GTF3C5: variants seen among roughly 807,000 people sequenced by gnomAD.
GTF3C5 encodes the protein general transcription factor 3C polypeptide 5.
GTF3C5 carries 47 observed loss-of-function variants against 61.0 expected under a neutral mutation model. That is an observed-to-expected ratio of 0.77 (90% CI 0.61 to 0.98). GTF3C5 has a LOEUF of 0.98. GTF3C5 is among the 50% of genes least tolerant of loss of function. The pLI is 0.00. For missense variants in GTF3C5, 659 were observed against 703.3 expected, an observed-to-expected ratio of 0.94 and a Z score of 0.71; for synonymous variants, 295 against 275.4, an observed-to-expected ratio of 1.07 and a Z score of -0.71.
Position 133,057,836 on chromosome 9 carries a change from G to A in GTF3C5, c.1416G>A (p.Lys472=), listed in dbSNP as rs1446351244. 6.2e-7 allele frequency: 1 copy of A among 1,611,562 alleles called. No individual in the cohort carries two copies. The highest frequency in any genetic ancestry group is 1.3e-5 in the African/African-American group (1 of 74,914). The change falls in exon 11 of 11, where the codon AAG becomes AAA. Residue 472 remains lysine (K), a synonymous_variant. Coordinates refer to ENST00000372097, the MANE Select transcript of GTF3C5 (RefSeq NM_012087.4). ...KRPALFSSSA[K]ADGGKEQLTY... ...CAGCTCTCTTTTCCAGCTCAGCCAAGGCTGATGGCGGAAAAGAGCAGCTGA... is the reference window on the plus strand; with the variant it reads ...CAGCTCTCTTTTCCAGCTCAGCCAAAGCTGATGGCGGAAAAGAGCAGCTGA...
In GTF3C5 at chr9:133,058,022, G is replaced by A. The variant is rs1308844521; in HGVS notation, c.*42G>A. The A allele has an allele frequency of 2.5e-6, 4 of 1,609,944 alleles. No individual in the cohort carries two copies. Among genetic ancestry groups the A allele is most frequent in the African/African-American group, 1.3e-5 (1 of 74,634 alleles). On this transcript the variant is annotated 3_prime_UTR_variant, in exon 11 of 11. Coordinates refer to ENST00000372097, the MANE Select transcript of GTF3C5 (RefSeq NM_012087.4). ...GCCTCCCTGACCCGGCCAGACTGGTGTCTGGCCTAATGAGGGAGCCGGGGC... is the reference window on the plus strand; with the variant it reads ...GCCTCCCTGACCCGGCCAGACTGGTATCTGGCCTAATGAGGGAGCCGGGGC...
intron 3 of GTF3C5, among the ~76,000 whole-genome samples, chr9:133,049,821 A>G (rs977861473): frequency 5.3e-5 from 8 of 152,296 alleles, no homozygotes; most frequent in African/African-American, 1.9e-4. Flanking sequence ...ACAGCAAAAT[A>G]AGGCGCAGCG....
chr9:133,035,256 G>A (rs1008069998), intron 1 of GTF3C5, among the ~76,000 whole-genome samples: 5 of 152,124 alleles, frequency 3.3e-5, no homozygotes, highest in Non-Finnish European at 7.3e-5. Context: ...CCTCCAGTGC[G>A]TAAGGTGATC....
chr9:133,040,730 C>G (rs1487429141), intron 1 of GTF3C5, among the ~76,000 whole-genome samples: 1 of 151,954 alleles, frequency 6.6e-6, no homozygotes, highest in Non-Finnish European at 1.5e-5. Flanking sequence ...GTAGGTAACC[C>G]TAGACAAGCC....
chr9:133,056,323 T>C (rs1448658590), intron 9 of GTF3C5, among the ~76,000 whole-genome samples: 2 of 152,204 alleles, frequency 1.3e-5, no homozygotes, highest in Non-Finnish European at 2.9e-5. Flanking sequence ...CTTACTGTTA[T>C]GTCCTTGCTC....
intron 3 of GTF3C5, among the ~76,000 whole-genome samples, chr9:133,046,364 C>T (rs1266377003): frequency 6.6e-6 from 1 of 152,100 alleles, no homozygotes. Flanking sequence ...GAAAAAAGAG[C>T]GGACTCTGTG....
At chr9:133,047,524 C>CT (rs544180537) in intron 3 of GTF3C5, among the ~76,000 whole-genome samples, 4,705 of 144,164 alleles carry the variant, frequency 0.033, 213 homozygotes, top group African/African-American at 0.1. Flanking sequence ...ATGATCCTTC[C>CT]TTTTTTTTTT....
At chr9:133,056,729 C>T in intron 9 of GTF3C5, 37 bp from the exon 10 acceptor site, 1 of 1,554,526 alleles carries the variant, frequency 6.4e-7, no homozygotes, top group South Asian at 1.2e-5. Flanking sequence ...GAGACCCGCC[C>T]TGGGACTTTA....
chr9:133,054,469 C>T lies in GTF3C5; in HGVS notation c.1050C>T (p.Pro350=). Residue 350 remains proline (P), a synonymous_variant, in exon 7 of 11, where the codon CCC becomes CCT. Coordinates refer to ENST00000372097, the MANE Select transcript of GTF3C5 (RefSeq NM_012087.4). ...GCAGCACCTACAACTACAGCCTCCC[C>T]ATCACCGTCAAGAAGACATGTAAGC... ...AKRSTYNYSL[P]ITVKKTSSQL... is the part of the protein sequence containing the mutation. 6.2e-7 allele frequency: 1 copy of T among 1,614,156 alleles called. No individual in the cohort carries two copies. Among genetic ancestry groups the T allele is most frequent in the Non-Finnish European group, 8.5e-7 (1 of 1,179,990 alleles).
intron 3 of GTF3C5, among the ~76,000 whole-genome samples, chr9:133,045,513 A>G (rs1436551834): frequency 6.6e-6 from 1 of 152,232 alleles, no homozygotes; most frequent in African/African-American, 2.4e-5. Flanking sequence ...GGTCTCTGTC[A>G]TAGCCCCGGT....
chr9:133,049,750 C>A (rs1323266289), intron 3 of GTF3C5, among the ~76,000 whole-genome samples: 1 of 152,176 alleles, frequency 6.6e-6, no homozygotes, highest in Non-Finnish European at 1.5e-5. Context: ...TCTAGAATCT[C>A]TGCTTTGTAT....
rs200854543 is a variant in GTF3C5, at chr9:133,054,375, C to G, written c.989-33C>G. ...TGTTGTGTGCCGACGGGCCCTGTGC[C>G]CGCCCACCTGACTTGCCCGCCCTCG... On this transcript the variant is annotated intron_variant, in intron 6 of 10. Coordinates refer to ENST00000372097, the MANE Select transcript of GTF3C5 (RefSeq NM_012087.4). The G allele has an allele frequency of 1.5e-3, 2,437 of 1,588,508 alleles. 27 individuals are homozygous for G. In the South Asian group the frequency reaches 0.017, roughly 11 times the overall value.
At chr9:133,033,822 A>G (rs1448996215) in intron 1 of GTF3C5, among the ~76,000 whole-genome samples, 1 of 152,144 alleles carries the variant, frequency 6.6e-6, no homozygotes. Context: ...TTTGCATCTC[A>G]GTACCCTGTT....
Position 133,053,811 on chromosome 9 carries a change from C to A in GTF3C5, c.874-17C>A. 6.4e-7 allele frequency: 1 copy of A among 1,551,816 alleles called. No individual in the cohort carries two copies. Among genetic ancestry groups the A allele is most frequent in the Non-Finnish European group, 8.9e-7 (1 of 1,128,400 alleles). On this transcript the variant is annotated splice_polypyrimidine_tract_variant and intron_variant, in intron 5 of 10. Coordinates refer to ENST00000372097, the MANE Select transcript of GTF3C5 (RefSeq NM_012087.4). Reference sequence around the variant, plus strand: ...GCCTTCACCTCACCTCACATTTTCCCCACTTTTCTGTCCCAGATAACAGGC... The same window carrying A: ...GCCTTCACCTCACCTCACATTTTCCACACTTTTCTGTCCCAGATAACAGGC...
intron 8 of GTF3C5, 64 bp from the exon 9 acceptor site, chr9:133,055,948 T>A: frequency 3.1e-6 from 5 of 1,607,910 alleles, no homozygotes; most frequent in Non-Finnish European, 4.2e-6. Context: ...ACATGGAGTC[T>A]GCAACACTGG....
chr9:133,042,445 A>G (rs1175613612), intron 2 of GTF3C5, 139 bp downstream of exon 2: 4 of 641,044 alleles, frequency 6.2e-6, no homozygotes, highest in Non-Finnish European at 1.1e-5. Context: ...AGCAGGGCAC[A>G]GGCCCCATCC....
chr9:133,033,878 A>G (rs1849795514), intron 1 of GTF3C5, among the ~76,000 whole-genome samples: 1 of 152,184 alleles, frequency 6.6e-6, no homozygotes, highest in Admixed American at 6.5e-5. Context: ...TACAGCTGCT[A>G]CTTTGGCTGG....
At chr9:133,041,470 T>C (rs1422835331) in intron 1 of GTF3C5, among the ~76,000 whole-genome samples, 2 of 131,796 alleles carry the variant, frequency 1.5e-5, no homozygotes, top group African/African-American at 5.5e-5. Flanking sequence ...TCTCTCTCCC[T>C]CTCTGTCTGC....
chr9:133,048,835 C>T (rs1850285746), intron 3 of GTF3C5, among the ~76,000 whole-genome samples: 1 of 152,234 alleles, frequency 6.6e-6, no homozygotes, highest in Non-Finnish European at 1.5e-5. Context: ...GCCCCCCTCC[C>T]TCCCCATGTG....
Sources: allele counts gnomAD v4.1 joint callset (sites outside exome capture counted in the v4.1 genomes callset), GRCh38; gene constraint gnomAD v4.1.1; transcripts MANE v1.5; gene names NCBI Gene and HGNC (gene_info 2026-07-23, HGNC 2026-07-21).